Variants in C13orf42 observed in about 807,000 individuals in gnomAD.
The protein encoded by C13orf42 is uncharacterized protein C13orf42.
intron 2 of C13orf42, among the ~76,000 whole-genome samples, chr13:51,085,762 G>A (rs1230187720): frequency 3.3e-5 from 5 of 152,234 alleles, no homozygotes; most frequent in Non-Finnish European, 4.4e-5. Context: ...TAAAAATGGG[G>A]ACATAGGCCA....
chr13:51,169,980 A>G (rs1439548562), intron 1 of C13orf42, among the ~76,000 whole-genome samples: 1 of 152,090 alleles, frequency 6.6e-6, no homozygotes, highest in Non-Finnish European at 1.5e-5. Flanking sequence ...GCCTTGCCCC[A>G]CCTTAACTGA....
intron 1 of C13orf42, among the ~76,000 whole-genome samples, chr13:51,140,651 A>T (rs1953688828): frequency 6.6e-6 from 1 of 151,796 alleles, no homozygotes; most frequent in African/African-American, 2.4e-5. Flanking sequence ...TTGCTGTAAA[A>T]CTCCTCATTA....
At chr13:51,135,610 A>G (rs1275467825) in intron 1 of C13orf42, among the ~76,000 whole-genome samples, 1 of 151,592 alleles carries the variant, frequency 6.6e-6, no homozygotes, top group African/African-American at 2.4e-5. Context: ...CTATGATCAC[A>G]CTACTGCACT....
intron 1 of C13orf42, among the ~76,000 whole-genome samples, chr13:51,120,023 G>C (rs747034173): frequency 6.6e-6 from 1 of 152,074 alleles, no homozygotes; most frequent in African/African-American, 2.4e-5. Flanking sequence ...TACCATCAAG[G>C]AAGTTTAGGA....
intron 1 of C13orf42, among the ~76,000 whole-genome samples, chr13:51,101,833 G>A (rs941513332): frequency 3.9e-5 from 6 of 152,186 alleles, no homozygotes; most frequent in African/African-American, 1.4e-4. Flanking sequence ...TGTGAGAAAA[G>A]GCTTCCCAGG....
chr13:51,143,442 A>G (rs949879890), intron 1 of C13orf42, among the ~76,000 whole-genome samples: 1 of 134,620 alleles, frequency 7.4e-6, no homozygotes, highest in Admixed American at 7.6e-5. Flanking sequence ...TTAAAGCATT[A>G]ACCAACTCCT....
chr13:51,099,102 C>A (rs529536063), intron 1 of C13orf42, among the ~76,000 whole-genome samples: 4 of 152,054 alleles, frequency 2.6e-5, no homozygotes, highest in African/African-American at 4.8e-5. Context: ...GGTTTTAAAC[C>A]TTAAAAGTTT....
At chr13:51,167,527 C>T (rs1953912350) in intron 1 of C13orf42, among the ~76,000 whole-genome samples, 1 of 152,198 alleles carries the variant, frequency 6.6e-6, no homozygotes, top group Non-Finnish European at 1.5e-5. Context: ...AAAACCTGGA[C>T]CTTACCTTCC....
At chr13:51,127,205 G>A (rs1002716897) in intron 1 of C13orf42, among the ~76,000 whole-genome samples, 1 of 152,142 alleles carries the variant, frequency 6.6e-6, no homozygotes, top group African/African-American at 2.4e-5. Context: ...CAAGGCGGAA[G>A]AAATGGAAAG....
chr13:51,152,688 A>G (rs1376744614), intron 1 of C13orf42, among the ~76,000 whole-genome samples: 1 of 152,058 alleles, frequency 6.6e-6, no homozygotes, highest in Non-Finnish European at 1.5e-5. Context: ...GATGACCTCA[A>G]TCCCAAAATA....
chr13:51,093,188 T>C (rs959483908), intron 1 of C13orf42, among the ~76,000 whole-genome samples: 5 of 152,238 alleles, frequency 3.3e-5, no homozygotes, highest in Non-Finnish European at 7.3e-5. Flanking sequence ...TAAGTCTCTT[T>C]AATGATTTAT....
intron 1 of C13orf42, among the ~76,000 whole-genome samples, chr13:51,160,352 T>C (rs1953854954): frequency 1.3e-5 from 2 of 152,104 alleles, no homozygotes; most frequent in South Asian, 4.1e-4. Context: ...CTACTAAAAA[T>C]ACAAATAATT....
intron 1 of C13orf42, among the ~76,000 whole-genome samples, chr13:51,102,268 A>G (rs1406785769): frequency 6.6e-6 from 1 of 152,224 alleles, no homozygotes; most frequent in African/African-American, 2.4e-5. Context: ...AAAAATAATT[A>G]TCAATGGTGT....
At chr13:51,135,686 T>C (rs1953652368) in intron 1 of C13orf42, among the ~76,000 whole-genome samples, 1 of 150,990 alleles carries the variant, frequency 6.6e-6, no homozygotes, top group Non-Finnish European at 1.5e-5. Context: ...AAAAGAAAAC[T>C]CCTCTAGTGA....
chr13:51,084,698 A>T (rs2137970684), intron 3 of C13orf42, among the ~76,000 whole-genome samples: 1 of 152,368 alleles, frequency 6.6e-6, no homozygotes. Context: ...GTGACAGGCA[A>T]GGCCCTGCAG....
At chr13:51,100,171 T>A (rs7328201) in intron 1 of C13orf42, among the ~76,000 whole-genome samples, 111,581 of 150,348 alleles carry the variant, frequency 0.74, 41,906 homozygotes, top group African/African-American at 0.87. Context: ...TGGTTTTTTT[T>A]AAAAAAAAAG....
At chr13:51,121,666 G>A (rs578199387) in intron 1 of C13orf42, among the ~76,000 whole-genome samples, 2 of 151,922 alleles carry the variant, frequency 1.3e-5, no homozygotes, top group African/African-American at 4.8e-5. Context: ...CTCCCGAGTA[G>A]CTGGGATTAC....
rs547905417 is a variant in C13orf42, at chr13:51,082,507, T to C, written c.*1644A>G. The C allele has an allele frequency of 6.6e-6, 1 of 152,344 alleles. No individual in the cohort carries two copies. Among genetic ancestry groups the C allele is most frequent in the Admixed American group, 6.5e-5 (1 of 15,302 alleles). The allele number at this position is 152,344 out of a possible 1,614,324, so 9.4% of individuals were successfully genotyped here. On this transcript the variant is annotated 3_prime_UTR_variant, in exon 4 of 4. Coordinates refer to ENST00000563710, the MANE Select transcript of C13orf42 (RefSeq NM_001351589.3). ...TTCAGGGTGGATCTATGATAAACTG[T>C]AGTTTGATAAGAGGCAGAGTAAAGA...
intron 1 of C13orf42, among the ~76,000 whole-genome samples, chr13:51,118,327 C>T (rs889604218): frequency 1.1e-4 from 16 of 152,228 alleles, no homozygotes; most frequent in African/African-American, 3.4e-4. Flanking sequence ...TGACAGGGAA[C>T]TGGTCTGACT....
Sources: allele counts gnomAD v4.1 joint callset (sites outside exome capture counted in the v4.1 genomes callset), GRCh38; gene constraint gnomAD v4.1.1; transcripts MANE v1.5; gene names NCBI Gene and HGNC (gene_info 2026-07-23, HGNC 2026-07-21).